The following FILIP1 variants were observed in gnomAD, a reference collection of about 807,000 sequenced individuals.
FILIP1 encodes filamin-A-interacting protein 1.
Under a neutral mutation model 102.1 loss-of-function variants are expected in FILIP1, and 61 were observed. The observed-to-expected ratio is 0.60, with a 90% CI of 0.49 to 0.74. FILIP1 has a LOEUF of 0.74. Among genes scored for constraint, FILIP1 ranks in the 30% least tolerant of loss-of-function variants. The probability of loss-of-function intolerance (pLI) is 0.00; values close to 1 mark genes in which losing one functional copy is unlikely to be tolerated. For synonymous variants in FILIP1, 491 were observed against 526.9 expected (o/e 0.93, Z 0.93); for missense variants, 1,314 against 1,441.2 (o/e 0.91, Z 1.43).
chr6:75,359,517 C>T (rs1344790242), intron 3 of FILIP1, among the ~76,000 whole-genome samples: 2 of 152,186 alleles, frequency 1.3e-5, no homozygotes, highest in African/African-American at 4.8e-5. Context: ...ACAAAGAATA[C>T]TCTTGGCAGA....
At chr6:75,455,559 A>T (rs940327381) in intron 1 of FILIP1, among the ~76,000 whole-genome samples, 4 of 152,172 alleles carry the variant, frequency 2.6e-5, no homozygotes, top group African/African-American at 7.2e-5. Context: ...TGTGGGGGGA[A>T]AATTTTTAAA....
intron 1 of FILIP1, among the ~76,000 whole-genome samples, chr6:75,446,663 T>C (rs1045218489): frequency 6.6e-6 from 1 of 152,164 alleles, no homozygotes; most frequent in African/African-American, 2.4e-5. Context: ...TTGCATAGTT[T>C]CTAGCCGCAA....
chr6:75,319,837 AAAAAAG>A, intron 4 of FILIP1: 1 of 424,672 alleles, frequency 2.4e-6, no homozygotes, highest in Non-Finnish European at 4.3e-6. Flanking sequence ...CCCCCAAAAA[AAAAAAG>A]AAAAGAAAAG....
chr6:75,378,732 G>A lies in FILIP1; in HGVS notation c.277-15815C>T, dbSNP rs192036440. The stretch of plus-strand genomic sequence containing the variant: ...AAACTCCATCAGCTTGGGTCCCTGA[G>A]TGACTACATGGAACACAAACACCCT... On this transcript the variant is annotated intron_variant, in intron 2 of 5. Transcript: ENST00000237172. 3.3e-3 allele frequency among the ~76,000 whole-genome samples: 507 copies of A among 152,288 alleles called. 11 individuals carry two copies. Among genetic ancestry groups the A allele is most frequent in the Non-Finnish European group, 1.3e-3 (86 of 68,028 alleles).
intron 2 of FILIP1, among the ~76,000 whole-genome samples, chr6:75,410,807 T>C (rs1777041820): frequency 6.6e-6 from 1 of 152,224 alleles, no homozygotes. Context: ...ATTGATGGCA[T>C]TTGGGTTGGT....
intron 1 of FILIP1, among the ~76,000 whole-genome samples, chr6:75,434,859 C>T (rs961815039): frequency 1.3e-5 from 2 of 152,166 alleles, no homozygotes; most frequent in Non-Finnish European, 2.9e-5. Flanking sequence ...TGAGATACGT[C>T]CCATCAATAC....
At chr6:75,483,784 T>C (rs1055905802) in intron 1 of FILIP1, among the ~76,000 whole-genome samples, 19 of 152,030 alleles carry the variant, frequency 1.2e-4, no homozygotes, top group Admixed American at 1.2e-3. Flanking sequence ...ATTTTCAGAG[T>C]GGGCTCCAGA....
At chr6:75,320,494 C>T (rs768187033) in intron 4 of FILIP1, among the ~76,000 whole-genome samples, 103 of 152,014 alleles carry the variant, frequency 6.8e-4, no homozygotes, top group Non-Finnish European at 1.3e-3. Flanking sequence ...GGAGGATCAC[C>T]TGAGCCCGGG....
chr6:75,440,338 G>A (rs926920503), intron 1 of FILIP1, among the ~76,000 whole-genome samples: 2 of 152,180 alleles, frequency 1.3e-5, no homozygotes, highest in East Asian at 3.8e-4. Flanking sequence ...GATTCCATCT[G>A]CTTTCTCCAA....
At chr6:75,470,380 T>C (rs1170697483) in intron 1 of FILIP1, among the ~76,000 whole-genome samples, 4 of 152,160 alleles carry the variant, frequency 2.6e-5, no homozygotes, top group East Asian at 1.9e-4. Context: ...AGAAAATTTA[T>C]AGAAAGTATA....
chr6:75,309,207 C>A (rs370299027), intron 5 of FILIP1, among the ~76,000 whole-genome samples: 34 of 152,252 alleles, frequency 2.2e-4, no homozygotes, highest in Middle Eastern at 3.4e-3. Flanking sequence ...GACCACCAGG[C>A]AAAAACTCAG....
intron 2 of FILIP1, among the ~76,000 whole-genome samples, chr6:75,398,324 G>A (rs993588349): frequency 2.6e-5 from 4 of 152,118 alleles, no homozygotes; most frequent in East Asian, 1.9e-4. Context: ...TTATGAGGTC[G>A]TTTTAAATCC....
At chr6:75,338,529 C>G (rs972705362) in intron 4 of FILIP1, among the ~76,000 whole-genome samples, 3 of 152,288 alleles carry the variant, frequency 2.0e-5, no homozygotes, top group East Asian at 3.9e-4. Context: ...AATGCTAATC[C>G]GACTACCTTC....
intron 2 of FILIP1, among the ~76,000 whole-genome samples, chr6:75,374,960 C>T (rs1775704472): frequency 1.3e-5 from 2 of 152,170 alleles, no homozygotes; most frequent in Non-Finnish European, 2.9e-5. Context: ...TATGTAATTC[C>T]ATCTGGAGGA....
intron 2 of FILIP1, among the ~76,000 whole-genome samples, chr6:75,407,252 G>A (rs1582458806): frequency 6.6e-6 from 1 of 151,900 alleles, no homozygotes; most frequent in East Asian, 1.9e-4. Context: ...TTGAGACGGA[G>A]TCTCACTCTG....
chr6:75,490,950 T>C (rs1032303078), intron 1 of FILIP1, among the ~76,000 whole-genome samples: 2 of 152,116 alleles, frequency 1.3e-5, no homozygotes, highest in African/African-American at 2.4e-5. Context: ...ACATCCACAA[T>C]GTGCCTGCAG....
chr6:75,344,271 C>G (rs1774508112), intron 4 of FILIP1, among the ~76,000 whole-genome samples: 1 of 152,130 alleles, frequency 6.6e-6, no homozygotes, highest in Non-Finnish European at 1.5e-5. Flanking sequence ...CACCATCAAA[C>G]AGCACATGCC....
chr6:75,420,170 T>C (rs926171662), intron 1 of FILIP1, among the ~76,000 whole-genome samples: 2 of 152,038 alleles, frequency 1.3e-5, no homozygotes, highest in Non-Finnish European at 2.9e-5. Context: ...GAAAATATCA[T>C]ACTGTGGCAA....
At chr6:75,447,267 C>T (rs1778470459) in intron 1 of FILIP1, among the ~76,000 whole-genome samples, 1 of 151,962 alleles carries the variant, frequency 6.6e-6, no homozygotes, top group African/African-American at 2.4e-5. Context: ...TTCTTTTTTT[C>T]CCCTGCAAGA....
Sources: allele counts gnomAD v4.1 joint callset (sites outside exome capture counted in the v4.1 genomes callset), GRCh38; gene constraint gnomAD v4.1.1; transcripts MANE v1.5; gene names NCBI Gene and HGNC (gene_info 2026-07-23, HGNC 2026-07-21).